AAGAB: variants seen among roughly 807,000 people sequenced by gnomAD.
AAGAB encodes the protein alpha and gamma adaptin binding protein.
In AAGAB, 38 loss-of-function variants were observed where a neutral mutation model predicts 44.1. The observed-to-expected ratio is 0.86, with a 90% CI of 0.67 to 1.13. The LOEUF (loss-of-function observed/expected upper bound fraction) is 1.13. AAGAB is among the 50% of genes most tolerant of loss of function. AAGAB has a pLI of 0.00. For synonymous variants in AAGAB, 131 were observed against 131.8 expected (o/e 0.99, Z 0.04); for missense variants, 450 against 373.8 (o/e 1.20, Z -1.68).
intron 5 of AAGAB, among the ~76,000 whole-genome samples, chr15:67,214,313 C>T (rs151135589): frequency 2.0e-5 from 3 of 152,320 alleles, no homozygotes; most frequent in Non-Finnish European, 2.9e-5. Flanking sequence ...TGTTCACAGC[C>T]CAGCCCTATA....
chr15:67,249,667 C>T (rs984465037), intron 1 of AAGAB, among the ~76,000 whole-genome samples: 5 of 152,110 alleles, frequency 3.3e-5, no homozygotes, highest in Admixed American at 6.5e-5. Context: ...AGGGGTTAAT[C>T]GTCTCTCTCA....
intron 5 of AAGAB, among the ~76,000 whole-genome samples, chr15:67,225,420 TATC>T (rs1472254388): frequency 6.6e-6 from 1 of 152,212 alleles, no homozygotes; most frequent in Non-Finnish European, 1.5e-5. Context: ...TTAATTTACA[TATC>T]ATAAAATCCA....
rs779980281 is a variant in AAGAB at position 67,241,878 on chromosome 15, C to G, written c.74-5058G>C. On this transcript the variant is annotated intron_variant, in intron 1 of 9. Transcript: ENST00000261880. ...TCAGGAAATAACCATCTCCTTTAAG[C>G]TGCTCTAGCCTTGCCCTTCCACCCC... Among the ~76,000 whole-genome samples the G allele has an allele frequency of 2.4e-4, 37 of 152,150 alleles. 1 individual carries two copies. Among genetic ancestry groups the G allele is most frequent in the Non-Finnish European group, 4.7e-4 (32 of 68,024 alleles).
chr15:67,209,353 C>G (rs1963756236), intron 6 of AAGAB, 109 bp downstream of exon 6: 1 of 971,084 alleles, frequency 1.0e-6, no homozygotes, highest in African/African-American at 1.6e-5. Flanking sequence ...TTAACATTCT[C>G]TGTCACCTTT....
At chr15:67,217,068 A>C (rs527650427) in intron 5 of AAGAB, among the ~76,000 whole-genome samples, 1 of 151,216 alleles carries the variant, frequency 6.6e-6, no homozygotes, top group East Asian at 2.0e-4. Context: ...ACATACACCC[A>C]CACACACAGA....
chr15:67,215,154 G>C (rs1963914010), intron 5 of AAGAB, among the ~76,000 whole-genome samples: 1 of 152,164 alleles, frequency 6.6e-6, no homozygotes, highest in South Asian at 2.1e-4. Flanking sequence ...GCCCTTCAGA[G>C]AACATGCTAG....
chr15:67,203,072 A>G (rs534860495), intron 9 of AAGAB, among the ~76,000 whole-genome samples, 174 bp from the exon 10 acceptor site: 2 of 152,252 alleles, frequency 1.3e-5, no homozygotes, highest in Non-Finnish European at 2.9e-5. Flanking sequence ...ACATCTAGAA[A>G]TTTATACCAA....
intron 1 of AAGAB, among the ~76,000 whole-genome samples, chr15:67,243,701 T>C (rs553627323): frequency 6.6e-6 from 1 of 152,354 alleles, no homozygotes; most frequent in South Asian, 2.1e-4. Flanking sequence ...TACTTAGCTG[T>C]ATTCATGAAA....
At chr15:67,248,233 A>G (rs1260886251) in intron 1 of AAGAB, among the ~76,000 whole-genome samples, 1 of 152,184 alleles carries the variant, frequency 6.6e-6, no homozygotes, top group Non-Finnish European at 1.5e-5. Flanking sequence ...TATATTAAGT[A>G]TCATAGCTAA....
Position 67,204,100 on chromosome 15 carries a change from C to G in AAGAB, c.764G>C (p.Gly255Ala). The part of the protein sequence containing the change: ...DIQELASLTT[G>A]GGDVENFERL... The stretch of plus-strand genomic sequence containing the variant: ...TTCAAAATTCTCCACATCTCCTCCT[C>G]CAGTGGTAAGACTGGCTAATTCTTG... The change falls in exon 8 of 10, where the codon GGA becomes GCA. Residue 255 changes from glycine to alanine, a missense_variant. Transcript: ENST00000261880. 2 of 1,612,682 alleles carry G rather than the reference C, an allele frequency of 1.2e-6. No individual in the cohort carries two copies. The highest frequency in any genetic ancestry group is 1.7e-6 in the Non-Finnish European group (2 of 1,178,914).
At chr15:67,218,492 C>T (rs531547252) in intron 5 of AAGAB, among the ~76,000 whole-genome samples, 6 of 152,322 alleles carry the variant, frequency 3.9e-5, no homozygotes, top group South Asian at 2.1e-4. Context: ...CTTCTACTTA[C>T]CATCTTCTTT....
At chr15:67,204,506 C>T (rs901229398) in intron 7 of AAGAB, among the ~76,000 whole-genome samples, 5 of 152,148 alleles carry the variant, frequency 3.3e-5, no homozygotes, top group Admixed American at 3.3e-4. Context: ...TACACTGATT[C>T]ACCAATAATG....
chr15:67,250,060 T>C (rs536894280), intron 1 of AAGAB, among the ~76,000 whole-genome samples: 1 of 152,342 alleles, frequency 6.6e-6, no homozygotes, highest in South Asian at 2.1e-4. Flanking sequence ...CCAAACAAGT[T>C]TCCAGGGACT....
intron 1 of AAGAB, among the ~76,000 whole-genome samples, chr15:67,246,694 TACCAATCAGCACTCTGTAAAAACAC>T (rs1191803106): frequency 3.4e-4 from 32 of 94,110 alleles, no homozygotes; most frequent in African/African-American, 9.4e-4. Flanking sequence ...ATTGTAAATG[TACCAATCAGCACTCTGTAAAAACAC>T]ACCAATCAGC....
upstream of AAGAB, chr15:67,254,743 G>A: frequency 7.3e-7 from 1 of 1,361,908 alleles, no homozygotes; most frequent in Non-Finnish European, 1.0e-6. Flanking sequence ...GAATGACCAG[G>A]CTGGCCTGAC....
chr15:67,214,541 A>C (rs545026065), intron 5 of AAGAB, among the ~76,000 whole-genome samples: 5 of 152,308 alleles, frequency 3.3e-5, no homozygotes, highest in African/African-American at 1.2e-4. Flanking sequence ...AAGACTGCCA[A>C]ATGTCCCCTG....
rs16950788 is a variant in AAGAB, at chr15:67,236,314, G to C, written c.361+94C>G. The stretch of plus-strand genomic sequence containing the variant: ...TTTCATAAAGCCATAAAGTCACATG[G>C]GATGTATGTCCTAAGTTAAAGAAAC... On this transcript the variant is annotated intron_variant, in intron 3 of 9. Coordinates refer to ENST00000261880, the MANE Select transcript of AAGAB (RefSeq NM_024666.5). 3.8e-3 allele frequency: 4,490 copies of C among 1,189,200 alleles called. 69 individuals carry two copies. The African/African-American group carries it at 0.041, about 11-fold the overall frequency. 73.7% of individuals were successfully genotyped at this position (1,189,200 alleles called of 1,614,324 possible).
chr15:67,218,387 G>C (rs1963997798), intron 5 of AAGAB, among the ~76,000 whole-genome samples: 1 of 152,052 alleles, frequency 6.6e-6, no homozygotes, highest in Admixed American at 6.6e-5. Context: ...CTTTAAACAA[G>C]GTCACTGTAC....
intron 5 of AAGAB, among the ~76,000 whole-genome samples, chr15:67,215,935 C>T (rs983401590): frequency 6.6e-6 from 1 of 152,234 alleles, no homozygotes; most frequent in African/African-American, 2.4e-5. Context: ...GCCTAAGCAC[C>T]GTACCTGGTT....
Sources: gnomAD v4.1 joint callset for allele counts (sites outside exome capture counted in the v4.1 genomes callset) on GRCh38, gnomAD v4.1.1 for gene constraint, MANE v1.5 for transcripts, NCBI Gene and HGNC (gene_info 2026-07-23, HGNC 2026-07-21) for gene names.